Variants in RABGEF1 observed in about 807,000 individuals in gnomAD.
RABGEF1 encodes the protein RAB guanine nucleotide exchange factor 1.
In RABGEF1, 26 loss-of-function variants were observed where a neutral mutation model predicts 57.3. The ratio of observed to expected loss-of-function variants is 0.45; its 90% CI spans 0.33 to 0.63. The LOEUF is 0.63. Among genes scored for constraint, RABGEF1 ranks in the 20% least tolerant of loss-of-function variants. The pLI is 0.02. For synonymous variants in RABGEF1, 185 were observed against 210.7 expected (o/e 0.88, Z 1.06); for missense variants, 464 against 607.6 (o/e 0.76, Z 2.48).
intron 1 of RABGEF1, among the ~76,000 whole-genome samples, chr7:66,742,271 C>T (rs1412666909): frequency 6.6e-6 from 1 of 152,180 alleles, no homozygotes; most frequent in Non-Finnish European, 1.5e-5. Flanking sequence ...TTTTAAGAGT[C>T]ACTGATTCAT....
chr7:66,792,611 C>CT (rs1812987196), intron 4 of RABGEF1, among the ~76,000 whole-genome samples: 1 of 152,200 alleles, frequency 6.6e-6, no homozygotes, highest in Admixed American at 6.5e-5. Flanking sequence ...GGCACTATCT[C>CT]TGTCTCCTAA....
At chr7:66,733,767 C>T (rs1223783603) in intron 2 of RABGEF1, among the ~76,000 whole-genome samples, 1 of 152,152 alleles carries the variant, frequency 6.6e-6, no homozygotes, top group Non-Finnish European at 1.5e-5. Flanking sequence ...CTTTGGGAGG[C>T]TGAGACGGGC....
chr7:66,687,631 G>C (rs1790887451), intron 1 of RABGEF1, among the ~76,000 whole-genome samples: 1 of 152,106 alleles, frequency 6.6e-6, no homozygotes, highest in African/African-American at 2.4e-5. Context: ...TGTATTAAAT[G>C]AATAGGTGGA....
At chr7:66,705,762 T>C (rs1470304966) in intron 1 of RABGEF1, among the ~76,000 whole-genome samples, 1 of 150,626 alleles carries the variant, frequency 6.6e-6, no homozygotes, top group African/African-American at 2.4e-5. Flanking sequence ...CATGCTGGAG[T>C]GCAATGGTGT....
chr7:66,713,307 A>G (rs562958216), intron 2 of RABGEF1, among the ~76,000 whole-genome samples: 2 of 151,868 alleles, frequency 1.3e-5, no homozygotes, highest in African/African-American at 4.8e-5. Context: ...ATGCCCAGCT[A>G]ATTTTTTGTA....
intron 1 of RABGEF1, among the ~76,000 whole-genome samples, chr7:66,756,928 C>A (rs1478598473): frequency 6.6e-6 from 1 of 152,088 alleles, no homozygotes; most frequent in African/African-American, 2.4e-5. Context: ...GTCAGTGTAT[C>A]CTGTAGTGGT....
At chr7:66,743,313 A>G (rs1245492131) in intron 1 of RABGEF1, among the ~76,000 whole-genome samples, 1 of 150,278 alleles carries the variant, frequency 6.7e-6, no homozygotes, top group Non-Finnish European at 1.5e-5. Context: ...TCGTCTCAAA[A>G]AAAAGAAAAA....
chr7:66,758,793 A>G (rs1803448443), intron 1 of RABGEF1, among the ~76,000 whole-genome samples: 1 of 152,238 alleles, frequency 6.6e-6, no homozygotes, highest in South Asian at 2.1e-4. Context: ...ACTTAGAAGC[A>G]GCAGAATGAT....
intron 1 of RABGEF1, among the ~76,000 whole-genome samples, chr7:66,700,981 C>T (rs1441829945): frequency 6.6e-6 from 1 of 152,204 alleles, no homozygotes; most frequent in Non-Finnish European, 1.5e-5. Context: ...GTGGGCAGCG[C>T]TGTCTTGCAG....
chr7:66,686,504 A>G (rs1790659817), intron 1 of RABGEF1, among the ~76,000 whole-genome samples: 1 of 152,164 alleles, frequency 6.6e-6, no homozygotes, highest in Non-Finnish European at 1.5e-5. Context: ...CAGGCCGAAC[A>G]TTTTGAAAAT....
chr7:66,718,268 C>T (rs1488804776), intron 2 of RABGEF1, among the ~76,000 whole-genome samples: 1 of 152,148 alleles, frequency 6.6e-6, no homozygotes, highest in Non-Finnish European at 1.5e-5. Context: ...TTGCTTGAAC[C>T]TGGGAGGCAG....
chr7:66,702,648 A>T (rs1793468244), intron 1 of RABGEF1, among the ~76,000 whole-genome samples: 1 of 151,996 alleles, frequency 6.6e-6, no homozygotes, highest in Non-Finnish European at 1.5e-5. Flanking sequence ...TTTATCTTTC[A>T]TTTTTTGATT....
chr7:66,741,133 C>G (rs1798842643), intron 1 of RABGEF1, among the ~76,000 whole-genome samples: 1 of 152,152 alleles, frequency 6.6e-6, no homozygotes, highest in Non-Finnish European at 1.5e-5. Context: ...CCCCTCGCCC[C>G]GGCTCCCACC....
At chr7:66,668,763 G>T in the RABGEF1 span, 1 of 152,320 alleles carries the variant, frequency 6.6e-6, no homozygotes, top group Non-Finnish European at 1.5e-5. Flanking sequence ...TTCCCTGGAA[G>T]ATCACCTCTT....
intron 3 of RABGEF1, among the ~76,000 whole-genome samples, chr7:66,780,391 G>A (rs1809617404): frequency 6.6e-6 from 1 of 152,184 alleles, no homozygotes; most frequent in Non-Finnish European, 1.5e-5. Context: ...TGTAAATATT[G>A]TAAGTGTACA....
chr7:66,774,330 A>G (rs1209484179), intron 2 of RABGEF1, among the ~76,000 whole-genome samples: 1 of 152,196 alleles, frequency 6.6e-6, no homozygotes, highest in Non-Finnish European at 1.5e-5. Flanking sequence ...TTGTTCACAC[A>G]GCTACCTGCA....
intron 1 of RABGEF1, among the ~76,000 whole-genome samples, chr7:66,750,074 G>A (rs1210224735): frequency 6.6e-6 from 1 of 152,208 alleles, no homozygotes; most frequent in East Asian, 1.9e-4. Flanking sequence ...TGTTTAGCAA[G>A]TTGGATTATA....
chr7:66,709,670 G>A (rs1794552091), intron 1 of RABGEF1, among the ~76,000 whole-genome samples: 1 of 152,094 alleles, frequency 6.6e-6, no homozygotes, highest in Admixed American at 6.6e-5. Context: ...ACCTACTCAG[G>A]AGCCTGAGGC....
In RABGEF1 at chr7:66,746,578, C is replaced by T. The variant is rs567138149; in HGVS notation, c.-18+5786C>T. 5.3e-5 allele frequency among the ~76,000 whole-genome samples: 8 copies of T among 150,536 alleles called. No homozygotes were observed. In the South Asian group the frequency reaches 6.3e-4, roughly 12 times the overall value. ...TGCTGCGATTACAGGCGTGAGCCAC[C>T]GTGCCCGGCAGGAAGTGCAATTTTT... On this transcript the variant is annotated intron_variant, in intron 1 of 8. Transcript: ENST00000284957.
Sources: gnomAD v4.1 joint callset for allele counts (sites outside exome capture counted in the v4.1 genomes callset) on GRCh38, gnomAD v4.1.1 for gene constraint, MANE v1.5 for transcripts, NCBI Gene and HGNC (gene_info 2026-07-23, HGNC 2026-07-21) for gene names.